The following KCNB2 variants were observed in gnomAD, a reference collection of about 807,000 sequenced individuals.
KCNB2 encodes the protein potassium voltage-gated channel subfamily B member 2.
Under a neutral mutation model 61.5 loss-of-function variants are expected in KCNB2, and 15 were observed. The ratio of observed to expected loss-of-function variants is 0.24; its 90% CI spans 0.16 to 0.38. The LOEUF (loss-of-function observed/expected upper bound fraction) is 0.38, where lower values mean the gene tolerates loss of function less well. Ranked by LOEUF, KCNB2 falls within the 10% of genes least tolerant of loss-of-function variation. The probability of loss-of-function intolerance (pLI) is 1.00; values close to 1 mark genes in which losing one functional copy is unlikely to be tolerated. For synonymous variants in KCNB2, 457 were observed against 446.0 expected, an observed-to-expected ratio of 1.02 and a Z score of -0.31; for missense variants, 828 against 1,125.2, an observed-to-expected ratio of 0.74 and a Z score of 3.78.
chr8:72,681,854 C>T (rs1173942920), intron 2 of KCNB2, among the ~76,000 whole-genome samples: 2 of 152,094 alleles, frequency 1.3e-5, no homozygotes, highest in Admixed American at 6.5e-5. Context: ...ATGGGACCAC[C>T]ATCATCTATG....
At chr8:72,590,845 G>A (rs568651542) in intron 2 of KCNB2, among the ~76,000 whole-genome samples, 19 of 152,132 alleles carry the variant, frequency 1.2e-4, no homozygotes, top group Non-Finnish European at 2.2e-4. Flanking sequence ...AGCTCCTTAC[G>A]TACTCCAGTT....
At chr8:72,903,467 G>A (rs1806121396) in intron 2 of KCNB2, among the ~76,000 whole-genome samples, 1 of 152,198 alleles carries the variant, frequency 6.6e-6, no homozygotes, top group East Asian at 1.9e-4. Flanking sequence ...TGTAGTTCTA[G>A]CTACTGGAGA....
intron 2 of KCNB2, among the ~76,000 whole-genome samples, chr8:72,913,320 A>G (rs1806333966): frequency 6.6e-6 from 1 of 152,228 alleles, no homozygotes; most frequent in Non-Finnish European, 1.5e-5. Flanking sequence ...TGATCTCATT[A>G]TCATTTGAAA....
chr8:72,912,087 A>G (rs547105631), intron 2 of KCNB2, among the ~76,000 whole-genome samples: 1 of 152,332 alleles, frequency 6.6e-6, no homozygotes, highest in African/African-American at 2.4e-5. Flanking sequence ...AAACTTGTTT[A>G]AAAAACCAGG....
chr8:72,936,312 AGGCCTGCAGTCTCTGG>A lies in KCNB2; in HGVS notation c.959_974del (p.Gly320ValfsTer14), dbSNP rs1806903132. ...TCCTGAAACTCGCCAGGCATTCGAC[AGGCCTGCAGTCTCTGG>A]GTTTCACCCTTAGGCGGAGTTACAA... is the stretch of plus-strand genomic sequence containing the variant. On this transcript the variant is annotated frameshift_variant, in exon 3 of 3. Transcript: ENST00000523207. LOFTEE classifies it high-confidence loss of function. The surrounding 1 kb of genome is among the most constrained non-coding windows in gnomAD (Gnocchi z 5.6). 6.2e-7 allele frequency: 1 copy of A among 1,614,128 alleles called. No individual in the cohort carries two copies.
intron 2 of KCNB2, among the ~76,000 whole-genome samples, chr8:72,676,161 T>G (rs1806650307): frequency 6.6e-6 from 1 of 152,264 alleles, no homozygotes; most frequent in African/African-American, 2.4e-5. Flanking sequence ...AGGTGCAAAT[T>G]TTGAGGAAAT....
At chr8:72,700,623 A>T (rs190371432) in intron 2 of KCNB2, among the ~76,000 whole-genome samples, 12 of 152,286 alleles carry the variant, frequency 7.9e-5, no homozygotes, top group Admixed American at 3.9e-4. Flanking sequence ...GGGAACACTT[A>T]TACACTGTTG....
chr8:72,715,496 G>A (rs1484546837), intron 2 of KCNB2, among the ~76,000 whole-genome samples: 1 of 152,120 alleles, frequency 6.6e-6, no homozygotes. Flanking sequence ...TAGAACTCAG[G>A]ATTAAGAAAC....
intron 2 of KCNB2, among the ~76,000 whole-genome samples, chr8:72,636,988 A>G (rs1180265622): frequency 6.6e-6 from 1 of 152,098 alleles, no homozygotes; most frequent in Non-Finnish European, 1.5e-5. Flanking sequence ...TCTGGACACT[A>G]TTGAGTCGAA....
At chr8:72,652,877 A>G (rs1806234174) in intron 2 of KCNB2, among the ~76,000 whole-genome samples, 1 of 152,130 alleles carries the variant, frequency 6.6e-6, no homozygotes, top group South Asian at 2.1e-4. Context: ...TTTATTCTCC[A>G]ACAGTTGTGG....
chr8:72,814,675 C>A (rs755398925), intron 2 of KCNB2, among the ~76,000 whole-genome samples: 2 of 152,122 alleles, frequency 1.3e-5, no homozygotes, highest in African/African-American at 4.8e-5. Flanking sequence ...TAAAAGTCCG[C>A]TATTTAAATT....
intron 2 of KCNB2, among the ~76,000 whole-genome samples, chr8:72,681,710 A>T (rs529662384): frequency 3.9e-5 from 6 of 152,232 alleles, no homozygotes; most frequent in Non-Finnish European, 2.9e-5. Flanking sequence ...CTCTATTTTT[A>T]TACAACCAGC....
intron 2 of KCNB2, among the ~76,000 whole-genome samples, chr8:72,602,383 G>T (rs1805366803): frequency 6.6e-6 from 1 of 152,074 alleles, no homozygotes; most frequent in African/African-American, 2.4e-5. Flanking sequence ...ATCATTGCTA[G>T]AATTTTGCTG....
intron 2 of KCNB2, among the ~76,000 whole-genome samples, chr8:72,579,937 C>T (rs1289186013): frequency 6.6e-6 from 1 of 152,240 alleles, no homozygotes; most frequent in East Asian, 1.9e-4. Context: ...AGCACTTTCT[C>T]ACATCCCCTC....
At chr8:72,907,473 A>G (rs2170450) in intron 2 of KCNB2, among the ~76,000 whole-genome samples, 82,228 of 152,132 alleles carry the variant, frequency 0.54, 24,372 homozygotes, top group Middle Eastern at 0.7. Flanking sequence ...TACACTATGC[A>G]AAGAAGAAGA....
intron 2 of KCNB2, among the ~76,000 whole-genome samples, chr8:72,841,523 C>G (rs1809887459): frequency 6.6e-6 from 1 of 151,986 alleles, no homozygotes; most frequent in Admixed American, 6.6e-5. Flanking sequence ...TTACTTCAGG[C>G]AGTATGGCCA....
chr8:72,598,950 A>T (rs958519578), intron 2 of KCNB2, among the ~76,000 whole-genome samples: 2 of 152,216 alleles, frequency 1.3e-5, no homozygotes, highest in African/African-American at 4.8e-5. Flanking sequence ...ATAAAAGAGG[A>T]TACAAACAAA....
intron 2 of KCNB2, among the ~76,000 whole-genome samples, chr8:72,892,741 A>T (rs189530725): frequency 6.6e-6 from 1 of 152,114 alleles, no homozygotes; most frequent in African/African-American, 2.4e-5. Flanking sequence ...TAAATTCCAT[A>T]CCTTAATTCT....
chr8:72,595,015 G>T (rs1807165107), intron 2 of KCNB2, among the ~76,000 whole-genome samples: 1 of 152,114 alleles, frequency 6.6e-6, no homozygotes, highest in Admixed American at 6.5e-5. Flanking sequence ...AGGGTAAGAG[G>T]ATTGTTCTTC....
Sources: allele counts gnomAD v4.1 joint callset (sites outside exome capture counted in the v4.1 genomes callset), GRCh38; gene constraint gnomAD v4.1.1; non-coding constraint Gnocchi (gnomAD v3.1); transcripts MANE v1.5; gene names NCBI Gene and HGNC (gene_info 2026-07-23, HGNC 2026-07-21).